The following LRRIQ3 variants were observed in gnomAD, a reference collection of about 807,000 sequenced individuals.
LRRIQ3 encodes the protein leucine rich repeats and IQ motif containing 3.
LRRIQ3 carries 75 observed loss-of-function variants against 59.3 expected under a neutral mutation model. That is an observed-to-expected ratio of 1.26 (90% confidence interval 1.05 to 1.53). The LOEUF is 1.53. LRRIQ3 is among the 40% of genes most tolerant of loss of function. The probability of loss-of-function intolerance (pLI) is 0.00; values close to 1 mark genes in which losing one functional copy is unlikely to be tolerated. For synonymous variants in LRRIQ3, 250 were observed against 231.3 expected, an observed-to-expected ratio of 1.08 and a Z score of -0.73; for missense variants, 831 against 710.0, an observed-to-expected ratio of 1.17 and a Z score of -1.94.
At position 74,180,893 on chromosome 1, in the gene LRRIQ3, T is replaced by C. The variant is rs1326956990; in HGVS notation, c.573+1645A>G. 7 of 1,097,320 alleles carry C rather than the reference T, an allele frequency of 6.4e-6. No individual in the cohort carries two copies. The East Asian group carries it at 1.3e-4, about 20-fold the overall frequency. 68.0% of individuals were successfully genotyped at this position (1,097,320 alleles called of 1,614,324 possible). A position where few individuals can be genotyped will look rare whatever the true frequency, so the allele number is the denominator to read the frequency against. ...GCCCAAATCTCTACCCCTTTCAGTC[T>C]GTGTTAATGCCTTACTTTCTTTTCT... On this transcript the variant is annotated intron_variant, in intron 3 of 7. Coordinates refer to ENST00000354431, the MANE Select transcript of LRRIQ3 (RefSeq NM_001105659.2).
chr1:74,100,539 C>A (rs1413319741), intron 5 of LRRIQ3, among the ~76,000 whole-genome samples: 1 of 152,096 alleles, frequency 6.6e-6, no homozygotes, highest in Non-Finnish European at 1.5e-5. Context: ...ACTTTCTTCA[C>A]AGAATTGGAA....
At chr1:74,117,904 A>G (rs146889512) in intron 4 of LRRIQ3, among the ~76,000 whole-genome samples, 195 of 152,314 alleles carry the variant, frequency 1.3e-3, no homozygotes, top group African/African-American at 4.6e-3. Context: ...ATGGATATAT[A>G]GACATATGTA....
intron 3 of LRRIQ3, among the ~76,000 whole-genome samples, chr1:74,162,299 T>C (rs984505542): frequency 6.6e-6 from 1 of 151,848 alleles, no homozygotes; most frequent in Non-Finnish European, 1.5e-5. Flanking sequence ...TGTAAAATTA[T>C]GAAATCAACA....
rs192008487 is a variant in LRRIQ3, at chr1:74,115,273, A to C, written c.708-5720T>G. Among the ~76,000 whole-genome samples, 326 of 152,274 alleles carry C rather than the reference A, an allele frequency of 2.1e-3. 1 individual carries two copies. Among genetic ancestry groups the C allele is most frequent in the African/African-American group, 7.4e-3 (309 of 41,576 alleles). ...GATGTTTAGATTAGGAAAACTTCTC[A>C]ATGGAAGATTATTTTTCTCTTATGA... On this transcript the variant is annotated intron_variant, in intron 4 of 7. Coordinates refer to ENST00000354431, the MANE Select transcript of LRRIQ3 (RefSeq NM_001105659.2).
At chr1:74,165,600 G>T (rs1276474780) in intron 3 of LRRIQ3, among the ~76,000 whole-genome samples, 1 of 151,120 alleles carries the variant, frequency 6.6e-6, no homozygotes, top group African/African-American at 2.4e-5. Context: ...TGTTGTACTG[G>T]CTATTTTCTG....
At chr1:74,049,925 C>CTTTTTTTTT (rs1343000738) in intron 6 of LRRIQ3, among the ~76,000 whole-genome samples, 6 of 102,790 alleles carry the variant, frequency 5.8e-5, no homozygotes, top group Admixed American at 1.0e-4. Context: ...TCTTTTTTTT[C>CTTTTTTTTT]TTTTTTTTTT....
chr1:74,122,419 G>T (rs992884348), intron 4 of LRRIQ3, among the ~76,000 whole-genome samples: 1 of 152,046 alleles, frequency 6.6e-6, no homozygotes, highest in Non-Finnish European at 1.5e-5. Flanking sequence ...CCCACTTTTT[G>T]ATGGGGTTGT....
intron 5 of LRRIQ3, among the ~76,000 whole-genome samples, chr1:74,098,305 G>A (rs1646477428): frequency 6.6e-6 from 1 of 152,128 alleles, no homozygotes; most frequent in African/African-American, 2.4e-5. Flanking sequence ...AAGAGACAAA[G>A]AAGGCCATTA....
At chr1:74,161,378 G>C (rs1322963651) in intron 3 of LRRIQ3, among the ~76,000 whole-genome samples, 2 of 152,018 alleles carry the variant, frequency 1.3e-5, no homozygotes, top group Non-Finnish European at 2.9e-5. Context: ...GCTATGTCTA[G>C]AATTATCCAG....
At chr1:74,170,182 T>C (rs1314851947) in intron 3 of LRRIQ3, among the ~76,000 whole-genome samples, 2 of 152,190 alleles carry the variant, frequency 1.3e-5, no homozygotes, top group African/African-American at 4.8e-5. Flanking sequence ...TTTAGTTTGA[T>C]GTAGTCTTAA....
At chr1:74,112,634 C>T (rs1483785) in intron 4 of LRRIQ3, among the ~76,000 whole-genome samples, 128,876 of 152,058 alleles carry the variant, frequency 0.85, 55,537 homozygotes, top group East Asian at 0.97. Context: ...TTCAGACAGC[C>T]TAACAGGGAA....
intron 7 of LRRIQ3, among the ~76,000 whole-genome samples, chr1:74,035,697 T>C (rs1653848237): frequency 6.6e-6 from 1 of 152,160 alleles, no homozygotes; most frequent in Non-Finnish European, 1.5e-5. Context: ...CCTAATGGTC[T>C]TTACTGCACA....
intron 6 of LRRIQ3, among the ~76,000 whole-genome samples, chr1:74,071,449 C>T (rs72687664): frequency 0.019 from 2,922 of 152,200 alleles, 41 homozygotes; most frequent in Middle Eastern, 0.058. Flanking sequence ...TAAACACTTG[C>T]CTCCGTTGGA....
At chr1:74,179,555 T>C (rs1649853472) in intron 3 of LRRIQ3, among the ~76,000 whole-genome samples, 1 of 152,046 alleles carries the variant, frequency 6.6e-6, no homozygotes, top group Non-Finnish European at 1.5e-5. Context: ...TGCAATGTTC[T>C]AAAACATATA....
intron 4 of LRRIQ3, among the ~76,000 whole-genome samples, chr1:74,138,936 T>C (rs1647175294): frequency 6.6e-6 from 1 of 151,424 alleles, no homozygotes; most frequent in Non-Finnish European, 1.5e-5. Flanking sequence ...CTGTAATATG[T>C]CACTTTGGGA....
At position 74,109,393 on chromosome 1, in the gene LRRIQ3, C is replaced by G. The variant is rs919261204; in HGVS notation, c.867+1G>C. On this transcript the variant is annotated splice_donor_variant, in intron 5 of 7. Coordinates refer to ENST00000354431, the MANE Select transcript of LRRIQ3 (RefSeq NM_001105659.2). LOFTEE classifies it high-confidence loss of function. ...AAAAATAATAAACTAATTATACTTACATGTTTCCAATATGCAAGCTTTCCT... is the reference window on the plus strand; with the variant it reads ...AAAAATAATAAACTAATTATACTTAGATGTTTCCAATATGCAAGCTTTCCT... 2.7e-6 allele frequency: 4 copies of G among 1,494,830 alleles called. No homozygotes were observed. Among genetic ancestry groups the G allele is most frequent in the Non-Finnish European group, 3.6e-6 (4 of 1,101,052 alleles). The allele number at this position is 1,494,830 out of a possible 1,614,324, so 92.6% of individuals were successfully genotyped here.
intron 6 of LRRIQ3, among the ~76,000 whole-genome samples, chr1:74,051,547 T>C (rs567724630): frequency 6.6e-6 from 1 of 152,164 alleles, no homozygotes; most frequent in African/African-American, 2.4e-5. Context: ...TTTTAATACA[T>C]TTATAGAGTT....
chr1:74,182,933 T>C (rs555031043), intron 2 of LRRIQ3, 72 bp from the exon 3 acceptor site: 78 of 775,578 alleles, frequency 1.0e-4, no homozygotes, highest in Non-Finnish European at 1.4e-4. Context: ...TGGTAAAATA[T>C]TACACATATA....
At chr1:74,143,886 T>C (rs1368737819) in intron 4 of LRRIQ3, among the ~76,000 whole-genome samples, 1 of 151,886 alleles carries the variant, frequency 6.6e-6, no homozygotes, top group East Asian at 1.9e-4. Context: ...AAATGTTTTA[T>C]ACTTAAATCT....
Sources: gnomAD v4.1 joint callset for allele counts (sites outside exome capture counted in the v4.1 genomes callset) on GRCh38, gnomAD v4.1.1 for gene constraint, MANE v1.5 for transcripts, NCBI Gene and HGNC (gene_info 2026-07-23, HGNC 2026-07-21) for gene names.